BMAL1: variants seen among roughly 807,000 people sequenced by gnomAD.
BMAL1 encodes the protein basic helix-loop-helix ARNT-like protein 1.
the BMAL1 span, chr11:13,385,909 C>G: frequency 1.3e-6 from 1 of 792,138 alleles, no homozygotes; most frequent in Non-Finnish European, 2.0e-6. Context: ...TTGATAGGAA[C>G]AGAATAAAAG....
At chr11:13,367,422 T>C in the BMAL1 span, among the ~76,000 whole-genome samples, 3 of 152,272 alleles carry the variant, frequency 2.0e-5, no homozygotes, top group East Asian at 5.8e-4. Context: ...GGACTCTGGC[T>C]GGGCGCAGTG....
chr11:13,278,949 A>G, the BMAL1 span, among the ~76,000 whole-genome samples: 3 of 152,128 alleles, frequency 2.0e-5, no homozygotes, highest in Non-Finnish European at 4.4e-5. Context: ...GGGTCGCGAG[A>G]GCCGGCAGCG....
chr11:13,281,964 G>T, the BMAL1 span, among the ~76,000 whole-genome samples: 1 of 152,158 alleles, frequency 6.6e-6, no homozygotes, highest in African/African-American at 2.4e-5. Context: ...GTGGCCTGGG[G>T]TCCCCTCTCT....
the BMAL1 span, among the ~76,000 whole-genome samples, chr11:13,306,880 A>G: frequency 6.6e-6 from 1 of 152,258 alleles, no homozygotes; most frequent in Non-Finnish European, 1.5e-5. Context: ...TGTTGGCATC[A>G]GACCTCTCTA....
At chr11:13,307,524 G>C in the BMAL1 span, among the ~76,000 whole-genome samples, 50 of 152,304 alleles carry the variant, frequency 3.3e-4, no homozygotes, top group Non-Finnish European at 6.3e-4. Context: ...GCAAGGAGAA[G>C]GGGGTCTTAT....
chr11:13,368,527 A>G, the BMAL1 span, among the ~76,000 whole-genome samples: 3 of 152,268 alleles, frequency 2.0e-5, no homozygotes, highest in East Asian at 3.9e-4. Flanking sequence ...TTGGCATTCT[A>G]GGGGAGATCG....
At chr11:13,378,216 A>C in the BMAL1 span, 1 of 1,337,514 alleles carries the variant, frequency 7.5e-7, no homozygotes, top group Admixed American at 3.3e-5. Flanking sequence ...AAAGTCCCTC[A>C]AGGCACAACT....
At chr11:13,290,886 T>C in the BMAL1 span, among the ~76,000 whole-genome samples, 1 of 152,172 alleles carries the variant, frequency 6.6e-6, no homozygotes, top group Admixed American at 6.5e-5. Flanking sequence ...GGTTTTGAGG[T>C]TTCTGACTGT....
At chr11:13,301,292 A>T in the BMAL1 span, among the ~76,000 whole-genome samples, 1 of 152,178 alleles carries the variant, frequency 6.6e-6, no homozygotes. Context: ...TTGGGCTGTA[A>T]GCTTTGCATT....
At chr11:13,279,938 C>T in the BMAL1 span, among the ~76,000 whole-genome samples, 1 of 152,214 alleles carries the variant, frequency 6.6e-6, no homozygotes, top group Non-Finnish European at 1.5e-5. Flanking sequence ...AGGAGCTGGA[C>T]ATCCTGGTTC....
At chr11:13,278,516 C>A in the BMAL1 span, among the ~76,000 whole-genome samples, 37 of 152,340 alleles carry the variant, frequency 2.4e-4, no homozygotes, top group East Asian at 5.2e-3. Flanking sequence ...GAGGGCGTCT[C>A]CGTCGGGCTT....
the BMAL1 span, chr11:13,385,866 G>A: frequency 3.6e-6 from 4 of 1,124,246 alleles, no homozygotes; most frequent in Non-Finnish European, 5.3e-6. Context: ...TTTAAGAACT[G>A]AACTGTGTGA....
the BMAL1 span, among the ~76,000 whole-genome samples, chr11:13,371,243 T>C: frequency 2.6e-5 from 4 of 152,180 alleles, no homozygotes; most frequent in East Asian, 7.7e-4. Context: ...GTGTCCCAAA[T>C]CGAACTATCT....
the BMAL1 span, among the ~76,000 whole-genome samples, chr11:13,374,427 C>T: frequency 6.6e-6 from 1 of 152,154 alleles, no homozygotes; most frequent in Non-Finnish European, 1.5e-5. Flanking sequence ...TGAAAGACAT[C>T]TCTTGTTCAG....
the BMAL1 span, among the ~76,000 whole-genome samples, chr11:13,383,246 C>A: frequency 1.3e-5 from 2 of 152,162 alleles, no homozygotes; most frequent in Non-Finnish European, 2.9e-5. Flanking sequence ...CATCCAGAAG[C>A]ACTAAGGAAA....
At chr11:13,338,805 C>T in the BMAL1 span, among the ~76,000 whole-genome samples, 2 of 152,186 alleles carry the variant, frequency 1.3e-5, no homozygotes, top group South Asian at 2.1e-4. Flanking sequence ...AAGGTCGTTA[C>T]GAGGACCAAA....
the BMAL1 span, among the ~76,000 whole-genome samples, chr11:13,308,491 G>A: frequency 2.0e-5 from 3 of 152,250 alleles, no homozygotes; most frequent in African/African-American, 2.4e-5. Flanking sequence ...GACTGAACAC[G>A]CTGACATAAG....
chr11:13,314,229 C>CCACA, the BMAL1 span, among the ~76,000 whole-genome samples: 8,944 of 138,642 alleles, frequency 0.065, 388 homozygotes, highest in African/African-American at 0.12. Flanking sequence ...AGGGTGGAGA[C>CCACA]CACACACACA....
the BMAL1 span, among the ~76,000 whole-genome samples, chr11:13,284,230 GTGTGTATATA>G: frequency 0.051 from 1,055 of 20,618 alleles, 129 homozygotes; most frequent in East Asian, 0.17. Context: ...ATATATATGT[GTGTGTATATA>G]TATATATATA....
Sources: allele counts gnomAD v4.1 joint callset (sites outside exome capture counted in the v4.1 genomes callset), GRCh38; gene constraint gnomAD v4.1.1; transcripts MANE v1.5; gene names NCBI Gene and HGNC (gene_info 2026-07-23, HGNC 2026-07-21).